The following GATA4 variants were observed in gnomAD, a reference collection of about 807,000 sequenced individuals.
The protein encoded by GATA4 is transcription factor GATA-4.
A neutral mutation model predicts 37.9 loss-of-function variants in GATA4; 7 were observed. The observed-to-expected ratio is 0.18, with a 90% confidence interval of 0.11 to 0.35. The LOEUF is 0.35. Ranked by LOEUF, GATA4 falls within the 10% of genes least tolerant of loss-of-function variation. The pLI is 1.00. For missense variants in GATA4, 647 were observed against 653.0 expected (o/e 0.99, Z 0.10); for synonymous variants, 372 against 292.6 (o/e 1.27, Z -2.77).
chr8:11,701,432 C>A (rs1799672986), upstream of GATA4, among the ~76,000 whole-genome samples: 1 of 152,222 alleles, frequency 6.6e-6, no homozygotes, highest in African/African-American at 2.4e-5. Context: ...TGCCCCCCTT[C>A]CCAGCGGCCT....
intron 2 of GATA4, among the ~76,000 whole-genome samples, chr8:11,721,509 C>T (rs1003817954): frequency 6.6e-6 from 1 of 151,886 alleles, no homozygotes; most frequent in Non-Finnish European, 1.5e-5. Context: ...ATGAGCGCCT[C>T]CCGCTGAGTC....
rs1367750315 is a variant in GATA4, at chr8:11,749,822, G to T, written c.787-289G>T. Among the ~76,000 whole-genome samples, 2 of 152,206 alleles carry T rather than the reference G, an allele frequency of 1.3e-5. No individual in the cohort carries two copies. The highest frequency in any genetic ancestry group is 3.9e-4 in the East Asian group (2 of 5,190). On this transcript the variant is annotated intron_variant, in intron 3 of 6. Transcript: ENST00000532059. This position sits in a 1 kb window ranked among gnomAD's most constrained non-coding sequence, Gnocchi z 4.6. ...AGCTTTCCTGCCGGCAGTGCCCGGC[G>T]CTCACTGGTTATTCGCCTGACGGTG... is the stretch of plus-strand genomic sequence containing the variant.
chr8:11,721,519 C>T (rs1210315280), intron 2 of GATA4, among the ~76,000 whole-genome samples: 1 of 151,928 alleles, frequency 6.6e-6, no homozygotes, highest in Admixed American at 6.6e-5. Flanking sequence ...CCCGCTGAGT[C>T]ACCCATTTCC....
rs1024636253 is a variant in GATA4 at position 11,715,278 on chromosome 8, G to A, written c.616+6350G>A. On this transcript the variant is annotated intron_variant, in intron 2 of 6. Coordinates refer to ENST00000532059, the MANE Select transcript of GATA4 (RefSeq NM_001308093.3). ...CAGATTTGCCTGTGGGGAGGAAAGC[G>A]GGTAGGTGAGGGATAATGGTAGAAA... Among the ~76,000 whole-genome samples, 7 of 152,146 alleles carry A rather than the reference G, an allele frequency of 4.6e-5. No individual in the cohort carries two copies. The East Asian group carries it at 5.8e-4, about 13-fold the overall frequency.
intron 1 of GATA4, chr8:11,680,679 C>G: frequency 1.0e-6 from 1 of 983,028 alleles, no homozygotes; most frequent in Non-Finnish European, 1.2e-6. Context: ...GCGTCAGAGA[C>G]CCCCCCCTTG....
chr8:11,721,548 G>A (rs979351026), intron 2 of GATA4, among the ~76,000 whole-genome samples: 4 of 151,990 alleles, frequency 2.6e-5, no homozygotes, highest in Non-Finnish European at 5.9e-5. Flanking sequence ...AAGGAACTCT[G>A]GTTAAAATGA....
At chr8:11,736,704 A>G (rs898600857) in intron 2 of GATA4, among the ~76,000 whole-genome samples, 7 of 152,142 alleles carry the variant, frequency 4.6e-5, no homozygotes, top group Non-Finnish European at 7.4e-5. Context: ...CTCAGATTAG[A>G]TTTTCTTTGA....
chr8:11,687,891 A>G (rs895795171), upstream of GATA4, among the ~76,000 whole-genome samples: 8 of 152,294 alleles, frequency 5.3e-5, no homozygotes, highest in East Asian at 9.6e-4. Flanking sequence ...GTGTTGCCCA[A>G]TGAGGTTGAG....
chr8:11,706,086 A>C (rs1390919487), intron 1 of GATA4: 1 of 152,242 alleles, frequency 6.6e-6, no homozygotes, highest in Non-Finnish European at 1.5e-5. Context: ...TGGTGACCTC[A>C]GGTCAATTTT....
chr8:11,710,775 T>C (rs915047121), intron 2 of GATA4, among the ~76,000 whole-genome samples: 2 of 149,380 alleles, frequency 1.3e-5, no homozygotes, highest in Non-Finnish European at 3.0e-5. Context: ...ATTTGGTGTT[T>C]GGTTAAGGAA....
intron 2 of GATA4, among the ~76,000 whole-genome samples, chr8:11,747,622 T>G (rs989245753): frequency 6.6e-6 from 1 of 152,090 alleles, no homozygotes; most frequent in African/African-American, 2.4e-5. Flanking sequence ...TTCCAAGAAC[T>G]GAAAAAGAAA....
At chr8:11,679,339 C>G (rs750704638) in intron 1 of GATA4, among the ~76,000 whole-genome samples, 1 of 150,686 alleles carries the variant, frequency 6.6e-6, no homozygotes, top group African/African-American at 2.5e-5. Context: ...GGGGACGTTT[C>G]TAGAAGAAAC....
intron 2 of GATA4, among the ~76,000 whole-genome samples, chr8:11,742,384 GT>G (rs71521636): frequency 0.042 from 2,866 of 68,426 alleles, 93 homozygotes; most frequent in African/African-American, 0.095. Flanking sequence ...TTGGTGTTTT[GT>G]TTTTTTTTTT....
chr8:11,710,855 C>G (rs1175475899), intron 2 of GATA4, among the ~76,000 whole-genome samples: 1 of 152,198 alleles, frequency 6.6e-6, no homozygotes, highest in Non-Finnish European at 1.5e-5. Context: ...GGCGCGGTGT[C>G]TCACGCCTGT....
intron 1 of GATA4, among the ~76,000 whole-genome samples, chr8:11,683,748 G>A (rs1470928548): frequency 1.3e-5 from 2 of 152,190 alleles, no homozygotes; most frequent in African/African-American, 2.4e-5. Context: ...ACAAATCGGA[G>A]ATGTTTGGCG....
upstream of GATA4, among the ~76,000 whole-genome samples, chr8:11,702,390 GC>G (rs1799706465): frequency 6.6e-6 from 1 of 151,802 alleles, no homozygotes; most frequent in African/African-American, 2.4e-5. This position sits in a 1 kb window ranked among gnomAD's most constrained non-coding sequence, Gnocchi z 4.4. Flanking sequence ...CTTCCCGCTC[GC>G]CCAAGCCCAG....
intron 2 of GATA4, among the ~76,000 whole-genome samples, chr8:11,719,331 C>T (rs953024740): frequency 2.6e-5 from 4 of 151,158 alleles, no homozygotes; most frequent in Admixed American, 1.3e-4. Context: ...GGAAAACAAA[C>T]AACAAATAAA....
At chr8:11,739,774 T>C (rs965306191) in intron 2 of GATA4, among the ~76,000 whole-genome samples, 7 of 121,142 alleles carry the variant, frequency 5.8e-5, no homozygotes, top group Non-Finnish European at 6.9e-5. Flanking sequence ...TGCGGAGGAG[T>C]TTCTGTCGTG....
intron 2 of GATA4, among the ~76,000 whole-genome samples, chr8:11,719,733 G>A (rs2130135620): frequency 6.6e-6 from 1 of 152,256 alleles, no homozygotes; most frequent in South Asian, 2.1e-4. Flanking sequence ...AGCACTGATG[G>A]CAATTTCTGT....
Sources: gnomAD v4.1 joint callset for allele counts (sites outside exome capture counted in the v4.1 genomes callset) on GRCh38, gnomAD v4.1.1 for gene constraint, Gnocchi (gnomAD v3.1) non-coding constraint, MANE v1.5 for transcripts, NCBI Gene and HGNC (gene_info 2026-07-23, HGNC 2026-07-21) for gene names.